PTCHD4: variants seen among roughly 807,000 people sequenced by gnomAD.
PTCHD4 encodes patched domain-containing protein 4.
PTCHD4 carries 33 observed loss-of-function variants against 58.1 expected under a neutral mutation model. The observed-to-expected ratio is 0.57, with a 90% CI of 0.43 to 0.76. The LOEUF (loss-of-function observed/expected upper bound fraction) is 0.76, where lower values mean the gene tolerates loss of function less well. Among genes scored for constraint, PTCHD4 ranks in the 30% least tolerant of loss-of-function variants. The pLI is 0.00. For missense variants in PTCHD4, 1,058 were observed against 1,027.1 expected, an observed-to-expected ratio of 1.03 and a Z score of -0.41; for synonymous variants, 478 against 409.6, an observed-to-expected ratio of 1.17 and a Z score of -2.02.
At position 48,060,709 on chromosome 6, in the gene PTCHD4, A is replaced by C. The variant is rs560433129; in HGVS notation, c.417+7521T>G. Among the ~76,000 whole-genome samples the C allele has an allele frequency of 2.0e-5, 3 of 152,266 alleles. No homozygotes were observed. The East Asian group carries it at 5.8e-4, about 30-fold the overall frequency. On this transcript the variant is annotated intron_variant, in intron 3 of 4. Coordinates refer to ENST00000339488, the MANE Select transcript of PTCHD4 (RefSeq NM_001384253.1). ...AGGCTGGTCTTGAACTCCTGGGCTC[A>C]AACGATCCACCCACCTCAGCCTCCC...
At position 47,868,263 on chromosome 6, in the gene PTCHD4, C is replaced by A. The variant is rs952444952; in HGVS notation, c.*10040G>T. Among the ~76,000 whole-genome samples the A allele has an allele frequency of 2.0e-5, 3 of 151,366 alleles. No homozygotes were observed. The highest frequency in any genetic ancestry group is 4.8e-5 in the African/African-American group (2 of 41,284). On this transcript the variant is annotated 3_prime_UTR_variant, in exon 5 of 5. Transcript: ENST00000339488. Reference sequence around the variant, plus strand: ...ATCACATTCTCCCTTATTTTACTATCAAGATGTGTATAGCTCTAGGTTGTA... The same window carrying A: ...ATCACATTCTCCCTTATTTTACTATAAAGATGTGTATAGCTCTAGGTTGTA...
intron 4 of PTCHD4, among the ~76,000 whole-genome samples, chr6:47,894,264 G>A (rs1216486423): frequency 6.6e-6 from 1 of 152,204 alleles, no homozygotes; most frequent in African/African-American, 2.4e-5. Context: ...CCACAGCTTA[G>A]CCTTGGCCTT....
chr6:48,104,172 A>C (rs903611728), intron 1 of PTCHD4, among the ~76,000 whole-genome samples: 1 of 152,344 alleles, frequency 6.6e-6, no homozygotes, highest in Non-Finnish European at 1.5e-5. Context: ...AGTTGAAGTG[A>C]AGGAAAAAAT....
rs1032595356 is a variant in PTCHD4, at chr6:47,857,715, C to A, written c.*20588G>T. On this transcript the variant is annotated 3_prime_UTR_variant, in exon 5 of 5. Transcript: ENST00000339488. ...AATTAGTTAATAGACTACTTATTTT[C>A]ATTTGGGGAACAGGAATGAAAACAT... Among the ~76,000 whole-genome samples the A allele has an allele frequency of 1.3e-5, 2 of 151,872 alleles. No individual in the cohort carries two copies. The highest frequency in any genetic ancestry group is 1.5e-5 in the Non-Finnish European group (1 of 67,936).
intron 4 of PTCHD4, among the ~76,000 whole-genome samples, chr6:48,004,620 T>G (rs1762358984): frequency 6.6e-6 from 1 of 152,142 alleles, no homozygotes; most frequent in Non-Finnish European, 1.5e-5. Context: ...TTTCAAGTAT[T>G]TTTTTAAAAA....
intron 3 of PTCHD4, among the ~76,000 whole-genome samples, chr6:48,058,804 G>C (rs1174060691): frequency 6.6e-6 from 1 of 152,196 alleles, no homozygotes; most frequent in African/African-American, 2.4e-5. Flanking sequence ...TTAGCAAAGA[G>C]AGGTCACATT....
At position 48,020,522 on chromosome 6, in the gene PTCHD4, C is replaced by T. The variant is rs1301142449; in HGVS notation, c.418-11408G>A. Among the ~76,000 whole-genome samples the T allele has an allele frequency of 3.3e-5, 5 of 151,372 alleles. No individual in the cohort carries two copies. In the East Asian group the frequency reaches 5.9e-4, roughly 18 times the overall value. The stretch of plus-strand genomic sequence containing the variant: ...TTTTGCTACTTTCGTTGGCAAAAAC[C>T]GTAATTACTTTTGCACCAAACTAAT... On this transcript the variant is annotated intron_variant, in intron 3 of 4. Transcript: ENST00000339488.
intron 4 of PTCHD4, among the ~76,000 whole-genome samples, chr6:47,918,907 A>T (rs1036685440): frequency 6.6e-6 from 1 of 152,128 alleles, no homozygotes; most frequent in African/African-American, 2.4e-5. Context: ...AGTCCTGGAT[A>T]AAGAAGGTTG....
chr6:48,084,897 C>G (rs1765233572), intron 1 of PTCHD4, among the ~76,000 whole-genome samples: 1 of 151,786 alleles, frequency 6.6e-6, no homozygotes, highest in South Asian at 2.1e-4. Context: ...GTGCACGCCA[C>G]CACACCTGAC....
At chr6:48,003,017 G>A (rs956970753) in intron 4 of PTCHD4, among the ~76,000 whole-genome samples, 3 of 151,976 alleles carry the variant, frequency 2.0e-5, no homozygotes, top group South Asian at 4.2e-4. Flanking sequence ...CTGCTGGTTC[G>A]TTATTCTCTC....
At position 48,026,177 on chromosome 6, in the gene PTCHD4, G is replaced by A. The variant is rs1763238906; in HGVS notation, c.418-17063C>T. 3.9e-5 allele frequency among the ~76,000 whole-genome samples: 6 copies of A among 152,152 alleles called. No individual in the cohort carries two copies. In the South Asian group the frequency reaches 1.2e-3, roughly 32 times the overall value. ...CTTTTGAAAGAAACCTCCTGGGCTG[G>A]AAAGTGTTCATGGCTTCTTGTTCTG... On this transcript the variant is annotated intron_variant, in intron 3 of 4. Transcript: ENST00000339488.
At chr6:48,027,993 G>A (rs1479195614) in intron 3 of PTCHD4, among the ~76,000 whole-genome samples, 4 of 152,074 alleles carry the variant, frequency 2.6e-5, no homozygotes, top group African/African-American at 9.7e-5. Context: ...TCAGGCTGGG[G>A]TATAGTGGTG....
chr6:48,028,420 G>T (rs913674947), intron 3 of PTCHD4, among the ~76,000 whole-genome samples: 38 of 152,134 alleles, frequency 2.5e-4, no homozygotes, highest in African/African-American at 8.7e-4. Flanking sequence ...GTCATAGAAG[G>T]TCTGTGGAAA....
At chr6:48,001,252 A>G in intron 4 of PTCHD4, among the ~76,000 whole-genome samples, 1 of 152,220 alleles carries the variant, frequency 6.6e-6, no homozygotes, top group Non-Finnish European at 1.5e-5. Flanking sequence ...ATTGGAGAAA[A>G]CTACTTTAAA....
At chr6:48,073,274 T>C (rs1196871324) in intron 1 of PTCHD4, among the ~76,000 whole-genome samples, 1 of 152,218 alleles carries the variant, frequency 6.6e-6, no homozygotes, top group African/African-American at 2.4e-5. Context: ...AAGTTGGGAC[T>C]TATTAGCTTG....
At position 48,027,731 on chromosome 6, in the gene PTCHD4, A is replaced by G. The variant is rs77075962; in HGVS notation, c.418-18617T>C. Among the ~76,000 whole-genome samples the G allele has an allele frequency of 3.5e-3, 532 of 152,262 alleles. 2 individuals carry two copies. The highest frequency in any genetic ancestry group is 0.012 in the African/African-American group (500 of 41,558). On this transcript the variant is annotated intron_variant, in intron 3 of 4. Coordinates refer to ENST00000339488, the MANE Select transcript of PTCHD4 (RefSeq NM_001384253.1). The stretch of plus-strand genomic sequence containing the variant: ...GTAAACATGAAGAATTGTACTATGA[A>G]GAAGTGTATGACTATGAGAAACCTG...
intron 3 of PTCHD4, among the ~76,000 whole-genome samples, chr6:48,034,086 C>T (rs1763545794): frequency 6.6e-6 from 1 of 152,020 alleles, no homozygotes. Context: ...AAAAGTCAAA[C>T]ATAAGGATCC....
At position 47,957,581 on chromosome 6, in the gene PTCHD4, T is replaced by A. The variant is rs1016700207; in HGVS notation, c.898+51053A>T. ...ATTCAAATACAAGACAAGTTTTTTT[T>A]TTTATTTTTTTTATTTTTATTTTTA... On this transcript the variant is annotated intron_variant, in intron 4 of 4. Transcript: ENST00000339488. 7.7e-4 allele frequency among the ~76,000 whole-genome samples: 116 copies of A among 150,776 alleles called. 2 individuals carry two copies. Among genetic ancestry groups the A allele is most frequent in the East Asian group, 7.2e-3 (37 of 5,162 alleles).
chr6:47,988,645 A>G (rs760182036), intron 4 of PTCHD4, among the ~76,000 whole-genome samples: 2 of 152,110 alleles, frequency 1.3e-5, no homozygotes, highest in Non-Finnish European at 2.9e-5. Flanking sequence ...GTCTCATGAA[A>G]TCTGATGGTC....
Sources: gnomAD v4.1 joint callset for allele counts (sites outside exome capture counted in the v4.1 genomes callset) on GRCh38, gnomAD v4.1.1 for gene constraint, MANE v1.5 for transcripts, NCBI Gene and HGNC (gene_info 2026-07-23, HGNC 2026-07-21) for gene names.